CCDC85A: variants seen among roughly 807,000 people sequenced by gnomAD.
CCDC85A encodes the protein coiled-coil domain-containing protein 85A.
CCDC85A carries 38 observed loss-of-function variants against 50.2 expected under a neutral mutation model. The ratio of observed to expected loss-of-function variants is 0.76; its 90% confidence interval spans 0.58 to 0.99. The LOEUF (loss-of-function observed/expected upper bound fraction) is 0.99, where lower values mean the gene tolerates loss of function less well. CCDC85A is among the 50% of genes least tolerant of loss of function. The pLI is 0.00. For missense variants in CCDC85A, 820 were observed against 742.0 expected (o/e 1.11, Z -1.22); for synonymous variants, 366 against 301.4 (o/e 1.21, Z -2.22).
intron 2 of CCDC85A, among the ~76,000 whole-genome samples, chr2:56,329,956 T>TG (rs1558644427): frequency 5.7e-5 from 5 of 87,136 alleles, no homozygotes; most frequent in East Asian, 3.3e-4. Flanking sequence ...TTTTTTTTTT[T>TG]TTTTTTTTTT....
rs1049501855 is a variant in CCDC85A, at chr2:56,384,574, A to G, written c.*219A>G. 2 of 470,624 alleles carry G rather than the reference A, an allele frequency of 4.2e-6. No individual in the cohort carries two copies. Among genetic ancestry groups the G allele is most frequent in the African/African-American group, 3.9e-5 (2 of 51,518 alleles). The allele number at this position is 470,624 out of a possible 1,614,324, so 29.2% of individuals were successfully genotyped here. ...CAATGTCCACAACAGTCAATCTCAA[A>G]CAAGGTAGCTTTGAACATCTCAAAC... On this transcript the variant is annotated 3_prime_UTR_variant, in exon 6 of 6. Coordinates refer to ENST00000407595, the MANE Select transcript of CCDC85A (RefSeq NM_001080433.2).
chr2:56,262,842 A>G (rs1422089199), intron 2 of CCDC85A, among the ~76,000 whole-genome samples: 1 of 152,248 alleles, frequency 6.6e-6, no homozygotes, highest in African/African-American at 2.4e-5. Flanking sequence ...ACAAGTATTC[A>G]GCCACATATA....
At chr2:56,380,951 G>A (rs936672637) in intron 5 of CCDC85A, among the ~76,000 whole-genome samples, 1 of 152,012 alleles carries the variant, frequency 6.6e-6, no homozygotes, top group Non-Finnish European at 1.5e-5. Flanking sequence ...AAATTGCTTA[G>A]AAATACCCTT....
chr2:56,253,627 A>C (rs1573107572), intron 2 of CCDC85A, among the ~76,000 whole-genome samples: 1 of 152,328 alleles, frequency 6.6e-6, no homozygotes, highest in East Asian at 1.9e-4. Context: ...TAGTTAAAAA[A>C]GTTATTGCAA....
At chr2:56,303,481 T>C (rs1057014321) in intron 2 of CCDC85A, among the ~76,000 whole-genome samples, 2 of 152,032 alleles carry the variant, frequency 1.3e-5, no homozygotes, top group East Asian at 1.9e-4. Context: ...GCAAGGACTG[T>C]CACAGGTAGA....
chr2:56,361,914 C>G (rs906598645), intron 3 of CCDC85A, among the ~76,000 whole-genome samples: 1 of 152,104 alleles, frequency 6.6e-6, no homozygotes, highest in Admixed American at 6.5e-5. Context: ...CATTGGTACA[C>G]TCATTAGGGA....
rs574123468 is a variant in CCDC85A, at chr2:56,372,660, G to GT, written c.1452+189dup. Reference sequence around the variant, plus strand: ...TTTTCACCTCCTAAACAGTTTTCTTGTTTTTTTCCCCCACATCTGGGGGTG... The same window carrying GT: ...TTTTCACCTCCTAAACAGTTTTCTTGTTTTTTTTCCCCCACATCTGGGGGTG... On this transcript the variant is annotated intron_variant, in intron 4 of 5. Coordinates refer to ENST00000407595, the MANE Select transcript of CCDC85A (RefSeq NM_001080433.2). Among the ~76,000 whole-genome samples the GT allele has an allele frequency of 3.9e-5, 6 of 152,244 alleles. No individual in the cohort carries two copies. The East Asian group carries it at 7.7e-4, about 20-fold the overall frequency.
chr2:56,259,204 A>C (rs1318813066), intron 2 of CCDC85A, among the ~76,000 whole-genome samples: 1 of 152,180 alleles, frequency 6.6e-6, no homozygotes, highest in Non-Finnish European at 1.5e-5. Flanking sequence ...TGGGGAGTAC[A>C]TTTTTGACAC....
intron 2 of CCDC85A, among the ~76,000 whole-genome samples, chr2:56,220,401 A>G (rs754109698): frequency 2.0e-5 from 3 of 152,066 alleles, no homozygotes; most frequent in Non-Finnish European, 4.4e-5. Context: ...AACTATTAAC[A>G]TCAGAGAACA....
chr2:56,368,256 C>G (rs1227770661), intron 3 of CCDC85A, among the ~76,000 whole-genome samples: 1 of 152,046 alleles, frequency 6.6e-6, no homozygotes, highest in Non-Finnish European at 1.5e-5. Flanking sequence ...TTGGATATAA[C>G]CGACTAAATA....
intron 2 of CCDC85A, among the ~76,000 whole-genome samples, chr2:56,262,641 A>G (rs978370903): frequency 8.5e-5 from 13 of 152,214 alleles, no homozygotes; most frequent in African/African-American, 2.9e-4. Flanking sequence ...GTGGTATGTC[A>G]TAGCAAGTGG....
At chr2:56,279,819 G>A (rs958508684) in intron 2 of CCDC85A, among the ~76,000 whole-genome samples, 2 of 152,106 alleles carry the variant, frequency 1.3e-5, no homozygotes, top group Admixed American at 1.3e-4. Flanking sequence ...ATATATACCT[G>A]TTTTCTTTAT....
At chr2:56,218,223 A>C (rs200066405) in intron 2 of CCDC85A, among the ~76,000 whole-genome samples, 2 of 151,952 alleles carry the variant, frequency 1.3e-5, no homozygotes, top group East Asian at 3.9e-4. Context: ...ATTTATGAGA[A>C]AGAAGAGTTT....
chr2:56,237,327 C>A (rs1344961017), intron 2 of CCDC85A, among the ~76,000 whole-genome samples: 4 of 152,180 alleles, frequency 2.6e-5, no homozygotes, highest in Non-Finnish European at 4.4e-5. Context: ...ACATAACAGG[C>A]AGGCCCAGCT....
rs537316965 is a variant in CCDC85A, at chr2:56,316,984, C to T, written c.1241-25895C>T. Among the ~76,000 whole-genome samples, 90 of 152,120 alleles carry T rather than the reference C, an allele frequency of 5.9e-4. 1 individual carries two copies. Among genetic ancestry groups the T allele is most frequent in the African/African-American group, 2.0e-3 (82 of 41,526 alleles). On this transcript the variant is annotated intron_variant, in intron 2 of 5. Coordinates refer to ENST00000407595, the MANE Select transcript of CCDC85A (RefSeq NM_001080433.2). ...TCCCTAAACCAGAGTTACGATTTTT[C>T]TTCTATTTTCTGTTAAAGTGGACTT...
chr2:56,187,947 C>T (rs1676124740), intron 1 of CCDC85A, among the ~76,000 whole-genome samples: 1 of 152,168 alleles, frequency 6.6e-6, no homozygotes. Flanking sequence ...CTCCTTGGTT[C>T]CTAACCCAAC....
At chr2:56,221,896 C>A (rs149336978) in intron 2 of CCDC85A, among the ~76,000 whole-genome samples, 299 of 152,114 alleles carry the variant, frequency 2.0e-3, no homozygotes, top group African/African-American at 6.9e-3. Context: ...AGTCCAAGAG[C>A]GTGGCACTGG....
chr2:56,210,070 A>G (rs991593026), intron 2 of CCDC85A, among the ~76,000 whole-genome samples: 5 of 152,078 alleles, frequency 3.3e-5, no homozygotes, highest in African/African-American at 1.2e-4. Context: ...CTAAAGAAAA[A>G]CAACAACAAA....
chr2:56,376,477 T>C (rs2104399253), intron 5 of CCDC85A, among the ~76,000 whole-genome samples: 1 of 152,318 alleles, frequency 6.6e-6, no homozygotes, highest in Non-Finnish European at 1.5e-5. Context: ...AGATATATGG[T>C]GTTATACATA....
Sources: allele counts gnomAD v4.1 joint callset (sites outside exome capture counted in the v4.1 genomes callset), GRCh38; gene constraint gnomAD v4.1.1; transcripts MANE v1.5; gene names NCBI Gene and HGNC (gene_info 2026-07-23, HGNC 2026-07-21).